CDH19: variants seen among roughly 807,000 people sequenced by gnomAD.
CDH19 encodes the protein cadherin-19.
A neutral mutation model predicts 64.2 loss-of-function variants in CDH19; 67 were observed. That is an observed-to-expected ratio of 1.04 (90% CI 0.86 to 1.28). The LOEUF (loss-of-function observed/expected upper bound fraction) is 1.28, where lower values mean the gene tolerates loss of function less well. Ranked by LOEUF, CDH19 falls within the 50% of genes most tolerant of loss-of-function variation. The pLI is 0.00. For synonymous variants in CDH19, 346 were observed against 319.3 expected, an observed-to-expected ratio of 1.08 and a Z score of -0.89; for missense variants, 1,030 against 929.0, an observed-to-expected ratio of 1.11 and a Z score of -1.41.
In CDH19 at chr18:66,546,178, C is replaced by T. The variant is rs373265637; in HGVS notation, c.776-1275G>A. Reference sequence around the variant, plus strand: ...AAGGGATTCCTAGTTCCTTTAGAAGCATGGAGGAGGCAGTCACTTCAAAGA... The same window carrying T: ...AAGGGATTCCTAGTTCCTTTAGAAGTATGGAGGAGGCAGTCACTTCAAAGA... On this transcript the variant is annotated intron_variant, in intron 5 of 11. Transcript: ENST00000262150. Among the ~76,000 whole-genome samples, 28 of 152,140 alleles carry T rather than the reference C, an allele frequency of 1.8e-4. No individual in the cohort carries two copies. The South Asian group carries it at 2.7e-3, about 15-fold the overall frequency.
intron 1 of CDH19, among the ~76,000 whole-genome samples, chr18:66,572,864 G>A (rs905042963): frequency 6.6e-6 from 1 of 151,658 alleles, no homozygotes; most frequent in African/African-American, 2.4e-5. Context: ...ACACTGAATA[G>A]AAAGCTTGCA....
At chr18:66,536,750 T>G (rs1264579099) in intron 7 of CDH19, among the ~76,000 whole-genome samples, 1 of 151,844 alleles carries the variant, frequency 6.6e-6, no homozygotes, top group Non-Finnish European at 1.5e-5. Context: ...TCTCGTTATG[T>G]AAGTTTTCTT....
At chr18:66,582,527 T>C (rs930344057) in intron 1 of CDH19, among the ~76,000 whole-genome samples, 3 of 151,550 alleles carry the variant, frequency 2.0e-5, no homozygotes, top group African/African-American at 7.3e-5. Context: ...TAATAACCCA[T>C]GTGTCAACTC....
intron 9 of CDH19, among the ~76,000 whole-genome samples, chr18:66,524,569 T>TATATATATAAAA (rs1276593665): frequency 9.6e-5 from 13 of 135,158 alleles, no homozygotes; most frequent in Admixed American, 7.5e-4. Flanking sequence ...TATATATATA[T>TATATATATAAAA]AAACATCATC....
At chr18:66,520,832 T>C (rs1472827018) in intron 9 of CDH19, among the ~76,000 whole-genome samples, 1 of 152,032 alleles carries the variant, frequency 6.6e-6, no homozygotes. Context: ...CAAGAAAACG[T>C]TGCTCCTGTA....
At chr18:66,602,981 G>A (rs1244139572) in intron 1 of CDH19, among the ~76,000 whole-genome samples, 80 of 150,992 alleles carry the variant, frequency 5.3e-4, no homozygotes, top group Admixed American at 5.3e-3. Context: ...ACTTAATATT[G>A]TAACTACATC....
Position 66,572,178 on chromosome 18 carries a change from A to C in CDH19, c.27T>G (p.Phe9Leu). 1 of 1,611,060 alleles carries C rather than the reference A, an allele frequency of 6.2e-7. No individual in the cohort carries two copies. The highest frequency in any genetic ancestry group is 1.1e-5 in the South Asian group (1 of 90,970). The change falls in exon 2 of 12, where the codon TTT becomes TTG. Residue 9 changes from phenylalanine (F) to leucine (L), a missense_variant. Phe to Leu is a conservative substitution (Grantham distance 22). Transcript: ENST00000262150. ...GCCATAGGAGAGGAATTCCCAACAT[A>C]AAACGCAGCAGTAAATAACAGTTCA... is the stretch of plus-strand genomic sequence containing the variant. MNCYLLLR[F>L]MLGIPLLWPC...
At chr18:66,577,154 A>G (rs1426321333) in intron 1 of CDH19, among the ~76,000 whole-genome samples, 1 of 151,872 alleles carries the variant, frequency 6.6e-6, no homozygotes, top group East Asian at 1.9e-4. Flanking sequence ...TGTTGTATAA[A>G]TGCAATTTTA....
intron 1 of CDH19, among the ~76,000 whole-genome samples, chr18:66,600,142 G>A (rs1217843265): frequency 4.0e-5 from 6 of 151,672 alleles, no homozygotes; most frequent in Non-Finnish European, 7.4e-5. Flanking sequence ...ATCTAAATGC[G>A]TGACTGGGAT....
intron 5 of CDH19, among the ~76,000 whole-genome samples, chr18:66,545,731 T>C (rs1312995903): frequency 1.3e-5 from 2 of 152,146 alleles, no homozygotes; most frequent in Admixed American, 1.3e-4. Context: ...TGCATGCAAA[T>C]AGTAGAGTTC....
At chr18:66,560,756 ATAAGAACATGAAGCAT>A (rs1987691037) in intron 3 of CDH19, among the ~76,000 whole-genome samples, 1 of 152,008 alleles carries the variant, frequency 6.6e-6, no homozygotes, top group Non-Finnish European at 1.5e-5. Context: ...GCATTATCTG[ATAAGAACATGAAGCAT>A]GGTACAGGTC....
At chr18:66,530,066 AT>A (rs1490173118) in intron 8 of CDH19, 100 bp from the exon 9 acceptor site, 1 of 518,020 alleles carries the variant, frequency 1.9e-6, no homozygotes, top group Non-Finnish European at 3.1e-6. Flanking sequence ...GTGTATTTTT[AT>A]TTTACTTGAA....
intron 8 of CDH19, chr18:66,532,278 T>TA (rs71897488): frequency 0.24 from 36,020 of 147,670 alleles, 5,404 homozygotes; most frequent in African/African-American, 0.43. Flanking sequence ...CTCTTTTTCA[T>TA]AAAAAAAAAA....
chr18:66,529,937 G>A lies in CDH19; in HGVS notation c.1366C>T (p.Leu456=), dbSNP rs143351564. 1 of 1,562,262 alleles carries A rather than the reference G, an allele frequency of 6.4e-7. No individual in the cohort carries two copies. The highest frequency in any genetic ancestry group is 1.4e-5 in the African/African-American group (1 of 73,526). The change falls in exon 9 of 12, where the codon CTG becomes TTG. Residue 456 remains leucine, a synonymous_variant. Coordinates refer to ENST00000262150, the MANE Select transcript of CDH19 (RefSeq NM_021153.4). ...YNIEQISSIP[L]YVQVLNINDH... ...TTGATGTTAAGAACTTGCACATACA[G>A]TGGGATCGAAGAGATCTGTTCTATA... is the stretch of plus-strand genomic sequence containing the variant.
intron 5 of CDH19, among the ~76,000 whole-genome samples, chr18:66,550,319 T>C (rs999603707): frequency 2.6e-5 from 4 of 152,184 alleles, no homozygotes; most frequent in Non-Finnish European, 5.9e-5. Context: ...AGAGCAGGTG[T>C]GGCCTATTCT....
intron 1 of CDH19, among the ~76,000 whole-genome samples, chr18:66,574,790 G>A (rs1005222189): frequency 1.3e-5 from 2 of 151,710 alleles, no homozygotes; most frequent in African/African-American, 4.8e-5. Context: ...GGTAGACAAC[G>A]ATATGTTATA....
At chr18:66,544,306 A>C (rs1283017985) in intron 6 of CDH19, 82 bp from the exon 7 acceptor site, 4 of 1,344,058 alleles carry the variant, frequency 3.0e-6, no homozygotes, top group Non-Finnish European at 4.0e-6. Flanking sequence ...TACCTGTTAA[A>C]TTAAGTCTCA....
At position 66,568,291 on chromosome 18, in the gene CDH19, T is replaced by G. The variant is rs569361388; in HGVS notation, c.490+125A>C. 1.6e-5 allele frequency: 11 copies of G among 686,368 alleles called. No individual in the cohort carries two copies. The South Asian group carries it at 2.3e-4, about 14-fold the overall frequency. The allele number at this position is 686,368 out of a possible 1,614,324, so 42.5% of individuals were successfully genotyped here. On this transcript the variant is annotated intron_variant, in intron 3 of 11. Coordinates refer to ENST00000262150, the MANE Select transcript of CDH19 (RefSeq NM_021153.4). ...AGTCTAATTTTTCAAATATTTTACT[T>G]AAACATATTTGTAGAAGGAAGTTCT...
At chr18:66,594,313 T>C (rs1361935749) in intron 1 of CDH19, among the ~76,000 whole-genome samples, 1 of 152,088 alleles carries the variant, frequency 6.6e-6, no homozygotes, top group Non-Finnish European at 1.5e-5. Flanking sequence ...ACAATCATAA[T>C]TGGGAGACTT....
Sources: gnomAD v4.1 joint callset for allele counts (sites outside exome capture counted in the v4.1 genomes callset) on GRCh38, gnomAD v4.1.1 for gene constraint, MANE v1.5 for transcripts, NCBI Gene and HGNC (gene_info 2026-07-23, HGNC 2026-07-21) for gene names.